Variants in MAPK4 observed in about 807,000 individuals in gnomAD.
MAPK4 encodes the protein Erk3-related.
A neutral mutation model predicts 47.7 loss-of-function variants in MAPK4; 22 were observed. That is an observed-to-expected ratio of 0.46 (90% CI 0.33 to 0.66). The LOEUF (loss-of-function observed/expected upper bound fraction) is 0.66, where lower values mean the gene tolerates loss of function less well. Among genes scored for constraint, MAPK4 ranks in the 30% least tolerant of loss-of-function variants. The probability of loss-of-function intolerance (pLI) is 0.02; values close to 1 mark genes in which losing one functional copy is unlikely to be tolerated. For synonymous variants in MAPK4, 390 were observed against 365.7 expected (o/e 1.07, Z -0.76); for missense variants, 736 against 831.7 (o/e 0.88, Z 1.42).
chr18:50,683,034 A>C (rs570306257), intron 2 of MAPK4, among the ~76,000 whole-genome samples: 1 of 152,362 alleles, frequency 6.6e-6, no homozygotes, highest in African/African-American at 2.4e-5. Flanking sequence ...ACTAATCTAC[A>C]GTGATGGAAA....
At chr18:50,622,858 G>A (rs3867258) in intron 1 of MAPK4, among the ~76,000 whole-genome samples, 8,436 of 152,312 alleles carry the variant, frequency 0.055, 741 homozygotes, top group African/African-American at 0.19. Flanking sequence ...TAATGAGAGT[G>A]AAAGCCAGTG....
At chr18:50,605,755 G>A (rs2042577492) in intron 1 of MAPK4, among the ~76,000 whole-genome samples, 1 of 152,182 alleles carries the variant, frequency 6.6e-6, no homozygotes, top group Admixed American at 6.5e-5. Flanking sequence ...GCCTTCCCTA[G>A]CAGAGTGCCT....
At chr18:50,686,013 C>G (rs75567430) in intron 2 of MAPK4, among the ~76,000 whole-genome samples, 1,545 of 151,090 alleles carry the variant, frequency 0.01, 30 homozygotes, top group African/African-American at 0.036. Flanking sequence ...TCAGCCAGCC[C>G]CCTAGAAAGG....
intron 1 of MAPK4, among the ~76,000 whole-genome samples, chr18:50,654,686 G>A (rs1407658352): frequency 1.3e-5 from 2 of 152,226 alleles, no homozygotes; most frequent in African/African-American, 2.4e-5. Flanking sequence ...TGGACCAGAA[G>A]CTGGACTCAG....
chr18:50,727,188 A>C (rs2144492501), intron 5 of MAPK4, among the ~76,000 whole-genome samples: 1 of 152,260 alleles, frequency 6.6e-6, no homozygotes, highest in Admixed American at 6.5e-5. Flanking sequence ...CAGGCAGCTA[A>C]ACATTTGGGC....
At chr18:50,669,648 A>G (rs936037602) in intron 2 of MAPK4, 16 of 152,368 alleles carry the variant, frequency 1.1e-4, no homozygotes, top group African/African-American at 3.4e-4. Context: ...CTAGCCCTCT[A>G]CAGCTCACAC....
Position 50,729,218 on chromosome 18 carries a change from C to G in MAPK4, c.1128C>G (p.Ser376Arg). 3 of 1,600,966 alleles carry G rather than the reference C, an allele frequency of 1.9e-6. No individual in the cohort carries two copies. Among genetic ancestry groups the G allele is most frequent in the Non-Finnish European group, 2.6e-6 (3 of 1,170,394 alleles). The change falls in exon 6 of 6, where the codon AGC (serine) becomes AGG (arginine). Residue 376 changes from serine (S) to arginine (R), a missense_variant. This residue lies in a region of MAPK4 where 377 missense variants were observed against 378.6 expected (regional missense o/e 1.00). Transcript: ENST00000400384. ...GGCCTGACCGGTGCCAGGACGCCAG[C>G]GAGGTACAGCGCGACCCGCGCGCGG... The part of the protein sequence containing the change: ...EWRPDRCQDA[S>R]EVQRDPRAGS...
intron 1 of MAPK4, among the ~76,000 whole-genome samples, chr18:50,566,792 C>T (rs1008492980): frequency 7.2e-5 from 11 of 151,862 alleles, no homozygotes; most frequent in African/African-American, 2.7e-4. Flanking sequence ...ATTTATTTGT[C>T]TATTTAAAAA....
intron 1 of MAPK4, among the ~76,000 whole-genome samples, chr18:50,574,454 A>G (rs2042277717): frequency 6.6e-6 from 1 of 152,220 alleles, no homozygotes. Context: ...TGTTTTACAA[A>G]TGAGGAACCT....
chr18:50,671,782 C>T (rs1313600756), intron 2 of MAPK4, among the ~76,000 whole-genome samples: 1 of 151,062 alleles, frequency 6.6e-6, no homozygotes, highest in Admixed American at 6.6e-5. Context: ...CCCAGCCACT[C>T]AGGAAGCTGA....
chr18:50,705,338 A>G (rs911206959), intron 2 of MAPK4: 1 of 152,330 alleles, frequency 6.6e-6, no homozygotes, highest in Non-Finnish European at 1.5e-5. Flanking sequence ...TCTTGCCTTC[A>G]GGAGCCCTCG....
At chr18:50,673,785 G>A (rs1356374232) in intron 2 of MAPK4, among the ~76,000 whole-genome samples, 1 of 152,202 alleles carries the variant, frequency 6.6e-6, no homozygotes, top group Non-Finnish European at 1.5e-5. Context: ...GAACCCAGGA[G>A]GCGGAGCTTG....
rs114028257 is a variant in MAPK4 at position 50,631,713 on chromosome 18, C to T, written c.-870-31376C>T. The stretch of plus-strand genomic sequence containing the variant: ...TTATTTTAACTCTCCATGTGTGGCC[C>T]CCAGATGATGGTCAGTCCTCTTAGG... On this transcript the variant is annotated intron_variant, in intron 1 of 5. Coordinates refer to ENST00000400384, the MANE Select transcript of MAPK4 (RefSeq NM_002747.4). Among the ~76,000 whole-genome samples, 466 of 152,248 alleles carry T rather than the reference C, an allele frequency of 3.1e-3. 2 individuals carry two copies. The highest frequency in any genetic ancestry group is 0.011 in the East Asian group (59 of 5,182).
intron 1 of MAPK4, among the ~76,000 whole-genome samples, chr18:50,590,991 A>T (rs918892720): frequency 1.3e-5 from 2 of 152,268 alleles, no homozygotes; most frequent in South Asian, 4.1e-4. Flanking sequence ...TATTCTTGAC[A>T]GTAGAAGTTG....
At chr18:50,689,234 A>G (rs991047062) in intron 2 of MAPK4, among the ~76,000 whole-genome samples, 3 of 148,846 alleles carry the variant, frequency 2.0e-5, no homozygotes, top group African/African-American at 7.7e-5. Flanking sequence ...CGTCTCTACT[A>G]AAAATATAAA....
At chr18:50,717,047 A>G (rs1479804416) in intron 3 of MAPK4, among the ~76,000 whole-genome samples, 1 of 151,968 alleles carries the variant, frequency 6.6e-6, no homozygotes, top group Non-Finnish European at 1.5e-5. Flanking sequence ...CACCTACGTC[A>G]TGGCCTCCCT....
intron 4 of MAPK4, among the ~76,000 whole-genome samples, chr18:50,725,106 CA>C (rs1911124363): frequency 6.6e-6 from 1 of 152,232 alleles, no homozygotes; most frequent in South Asian, 2.1e-4. Context: ...GCCTCTCGCA[CA>C]AGGCTTCTGA....
intron 2 of MAPK4, among the ~76,000 whole-genome samples, chr18:50,673,981 T>G (rs953990867): frequency 1.3e-5 from 2 of 152,240 alleles, no homozygotes; most frequent in Non-Finnish European, 2.9e-5. Flanking sequence ...TTCCCCTGTA[T>G]GTAATGTGTC....
chr18:50,581,798 C>T (rs1017794701), intron 1 of MAPK4, among the ~76,000 whole-genome samples: 1 of 152,176 alleles, frequency 6.6e-6, no homozygotes, highest in African/African-American at 2.4e-5. Flanking sequence ...TACTGGGATA[C>T]GTGACATGTC....
Sources: gnomAD v4.1 joint callset for allele counts (sites outside exome capture counted in the v4.1 genomes callset) on GRCh38, gnomAD v4.1.1 for gene constraint, gnomAD v4.1.1 regional missense constraint, MANE v1.5 for transcripts, NCBI Gene and HGNC (gene_info 2026-07-23, HGNC 2026-07-21) for gene names.